EPG5: variants seen among roughly 807,000 people sequenced by gnomAD.
EPG5 encodes ectopic P-granules 5 autophagy tethering factor.
EPG5 carries 159 observed loss-of-function variants against 302.7 expected under a neutral mutation model. The observed-to-expected ratio is 0.53, with a 90% CI of 0.46 to 0.60. The LOEUF is 0.60. EPG5 is among the 20% of genes least tolerant of loss of function. EPG5 has a pLI of 0.00. For missense variants in EPG5, 2,896 were observed against 3,092.4 expected, an observed-to-expected ratio of 0.94 and a Z score of 1.51; for synonymous variants, 1,158 against 1,136.8, an observed-to-expected ratio of 1.02 and a Z score of -0.37.
At chr18:45,841,136 C>G in the EPG5 span, 1 of 152,356 alleles carries the variant, frequency 6.6e-6, no homozygotes, top group African/African-American at 2.4e-5. Flanking sequence ...GAAATGGACA[C>G]GTGATGCAGC....
At chr18:45,807,589 C>CCTTA in the EPG5 span, among the ~76,000 whole-genome samples, 1 of 152,180 alleles carries the variant, frequency 6.6e-6, no homozygotes, top group Non-Finnish European at 1.5e-5. Flanking sequence ...CAGACCAGAG[C>CCTTA]CTGGTAGACT....
At chr18:45,915,246 C>G (rs542998547) in intron 20 of EPG5, among the ~76,000 whole-genome samples, 97 of 151,974 alleles carry the variant, frequency 6.4e-4, no homozygotes, top group African/African-American at 2.3e-3. Flanking sequence ...CCATTGCACT[C>G]CAGCCTGGGC....
Position 45,901,004 on chromosome 18 carries a change from C to T in EPG5, c.4638G>A (p.Gln1546=). The part of the protein sequence containing the change: ...LVCTDLNLLQ[Q]QARTAALRES... ...AGGCTGCATGGTCTTACCTGGCCTG[C>T]TGTTGCAACAGATTCAGGTCTGTGC... The change falls in exon 26 of 44, where the codon CAG becomes CAA. Residue 1546 remains glutamine, a synonymous_variant. Coordinates refer to ENST00000282041, the MANE Select transcript of EPG5 (RefSeq NM_020964.3). The T allele has an allele frequency of 6.2e-7, 1 of 1,612,950 alleles. No individual in the cohort carries two copies. Among genetic ancestry groups the T allele is most frequent in the South Asian group, 1.1e-5 (1 of 90,952 alleles).
Position 45,916,476 on chromosome 18 carries a change from G to A in EPG5, c.3346C>T (p.His1116Tyr). 1 of 1,613,696 alleles carries A rather than the reference G, an allele frequency of 6.2e-7. No individual in the cohort carries two copies. Among genetic ancestry groups the A allele is most frequent in the Non-Finnish European group, 8.5e-7 (1 of 1,179,668 alleles). ...KVAQHLTGAS[H>Y]GDNVKLLNSM... Reference sequence around the variant, plus strand: ...TTGAGAAGCTTCACGTTGTCCCCATGGCTGGCTCCTGTCAGGTGCTGTGCC... The same window carrying A: ...TTGAGAAGCTTCACGTTGTCCCCATAGCTGGCTCCTGTCAGGTGCTGTGCC... Residue 1116 changes from histidine to tyrosine, a missense_variant, in exon 18 of 44, where the codon CAT (histidine) becomes TAT (tyrosine). His to Tyr is a moderately conservative substitution (Grantham distance 83). Around this residue, in one of 5 missense-constraint regions of EPG5, gnomAD observed 1,390 missense variants for 1,430.0 expected, o/e 0.97. Coordinates refer to ENST00000282041, the MANE Select transcript of EPG5 (RefSeq NM_020964.3).
chr18:45,962,236 AAC>A (rs2051164971), intron 1 of EPG5, among the ~76,000 whole-genome samples: 1 of 152,224 alleles, frequency 6.6e-6, no homozygotes, highest in Non-Finnish European at 1.5e-5. Context: ...GATAGAAAGG[AAC>A]TAGAGGTGGA....
At position 45,855,606 on chromosome 18, in the gene EPG5, G is replaced by A. The variant is rs765115653; in HGVS notation, c.7524C>T (p.Gly2508=). The change falls in exon 43 of 44, where the codon GGC becomes GGT. Residue 2508 remains glycine, a synonymous_variant. Transcript: ENST00000282041. ...CTTTGGGGGTCAGATGTAATTCAGA[G>A]CCAGGCCTCAAACGGATCTGATCTT... is the stretch of plus-strand genomic sequence containing the variant. ...PMEDQIRLRP[G]SELHLTPKAQ... is the part of the protein sequence containing the mutation. 6.2e-7 allele frequency: 1 copy of A among 1,614,078 alleles called. No individual in the cohort carries two copies. Among genetic ancestry groups the A allele is most frequent in the South Asian group, 1.1e-5 (1 of 91,092 alleles).
the EPG5 span, among the ~76,000 whole-genome samples, chr18:45,802,405 A>G: frequency 6.6e-6 from 1 of 152,166 alleles, no homozygotes; most frequent in South Asian, 2.1e-4. Flanking sequence ...CTGTTGTCCC[A>G]GCTATTCAGG....
Position 45,935,080 on chromosome 18 carries a change from C to T in EPG5, c.2100-114G>A, listed in dbSNP as rs567034077. 41 of 1,115,160 alleles carry T rather than the reference C, an allele frequency of 3.7e-5. No individual in the cohort carries two copies. The Middle Eastern group carries it at 1.3e-3, about 34-fold the overall frequency. The allele number at this position is 1,115,160 out of a possible 1,614,324, so 69.1% of individuals were successfully genotyped here. A position where few individuals can be genotyped will look rare whatever the true frequency, so the allele number is the denominator to read the frequency against. On this transcript the variant is annotated intron_variant, in intron 10 of 43. Coordinates refer to ENST00000282041, the MANE Select transcript of EPG5 (RefSeq NM_020964.3). ...ATTCTTAAATCACACTATGATTTTTCTAATATGCTTTAGTCATAAACACCT... is the reference window on the plus strand; with the variant it reads ...ATTCTTAAATCACACTATGATTTTTTTAATATGCTTTAGTCATAAACACCT...
chr18:45,829,140 C>T, the EPG5 span: 44 of 985,436 alleles, frequency 4.5e-5, no homozygotes, highest in Non-Finnish European at 5.2e-5. Flanking sequence ...GGCACAGGCC[C>T]CACAGCAGGG....
At chr18:45,883,613 T>G (rs12955028) in intron 30 of EPG5, among the ~76,000 whole-genome samples, 1 of 72,448 alleles carries the variant, frequency 1.4e-5, no homozygotes, top group Non-Finnish European at 3.1e-5. Flanking sequence ...ACTAGCCTGG[T>G]GTTTTTTTTT....
the EPG5 span, chr18:45,829,200 C>T: frequency 1.0e-6 from 1 of 966,198 alleles, no homozygotes. Context: ...AGGGCCACAC[C>T]CACGCCACAG....
intron 23 of EPG5, among the ~76,000 whole-genome samples, chr18:45,910,263 T>C (rs1449407143): frequency 6.6e-6 from 1 of 152,180 alleles, no homozygotes; most frequent in Non-Finnish European, 1.5e-5. Flanking sequence ...TTTCTATTTT[T>C]ACGTAAAGAA....
intron 39 of EPG5, among the ~76,000 whole-genome samples, chr18:45,864,256 G>A (rs569202016): frequency 5.1e-4 from 77 of 152,088 alleles, no homozygotes; most frequent in African/African-American, 1.5e-3. Context: ...TCACTTTTAC[G>A]TTCCTTCTCT....
chr18:45,941,810 G>A (rs1599622243), intron 9 of EPG5, among the ~76,000 whole-genome samples: 1 of 152,206 alleles, frequency 6.6e-6, no homozygotes. Flanking sequence ...ATGGACTTCT[G>A]TTAATAACAG....
intron 10 of EPG5, among the ~76,000 whole-genome samples, chr18:45,936,671 T>C (rs1010437200): frequency 5.1e-5 from 7 of 137,520 alleles, no homozygotes; most frequent in Admixed American, 2.6e-4. Flanking sequence ...GAGGTTACAG[T>C]GATGGTGTCA....
intron 4 of EPG5, among the ~76,000 whole-genome samples, chr18:45,950,813 T>C (rs1022129067): frequency 3.9e-5 from 6 of 152,244 alleles, no homozygotes; most frequent in Non-Finnish European, 8.8e-5. Flanking sequence ...ATTCTGAATA[T>C]ACATCTAGTC....
chr18:45,813,097 T>C, the EPG5 span, among the ~76,000 whole-genome samples: 1 of 151,912 alleles, frequency 6.6e-6, no homozygotes, highest in Non-Finnish European at 1.5e-5. Flanking sequence ...CATCAAAAAG[T>C]GAGCAAAGGA....
chr18:45,868,545 T>A (rs1214107311), intron 36 of EPG5, among the ~76,000 whole-genome samples: 1 of 150,928 alleles, frequency 6.6e-6, no homozygotes, highest in Non-Finnish European at 1.5e-5. Context: ...TTTATTTTAT[T>A]TTTAGTAGAG....
intron 39 of EPG5, among the ~76,000 whole-genome samples, chr18:45,862,297 C>T (rs1240018292): frequency 6.6e-6 from 1 of 152,142 alleles, no homozygotes; most frequent in East Asian, 1.9e-4. Flanking sequence ...ATTTCCTCCC[C>T]TCTACTGTCT....
Sources: allele counts gnomAD v4.1 joint callset (sites outside exome capture counted in the v4.1 genomes callset), GRCh38; gene constraint gnomAD v4.1.1; regional missense constraint gnomAD v4.1.1; transcripts MANE v1.5; gene names NCBI Gene and HGNC (gene_info 2026-07-23, HGNC 2026-07-21).